Variants in PFKP observed in about 807,000 individuals in gnomAD.
The protein encoded by PFKP is phosphofructokinase, platelet, also known as ATP-dependent 6-phosphofructokinase, platelet type.
A neutral mutation model predicts 94.3 loss-of-function variants in PFKP; 101 were observed. The ratio of observed to expected loss-of-function variants is 1.07; its 90% CI spans 0.91 to 1.26. The LOEUF is 1.26. Ranked by LOEUF, PFKP falls within the 50% of genes most tolerant of loss-of-function variation. PFKP has a pLI of 0.00. For missense variants in PFKP, 1,145 were observed against 1,103.3 expected (o/e 1.04, Z -0.53); for synonymous variants, 573 against 432.6 (o/e 1.32, Z -4.03).
In PFKP at chr10:3,135,727, C is replaced by A; in HGVS notation, c.2123-9C>A. 1.9e-6 allele frequency: 3 copies of A among 1,570,180 alleles called. No homozygotes were observed. The highest frequency in any genetic ancestry group is 1.1e-5 in the South Asian group (1 of 89,454). On this transcript the variant is annotated splice_polypyrimidine_tract_variant and intron_variant, in intron 20 of 21. Coordinates refer to ENST00000381125, the MANE Select transcript of PFKP (RefSeq NM_002627.5). ...GGGTGTTATTAATCTTTTTTAAAAT[C>A]TTTTATAGGAAAAAAATTTACCACC...
chr10:3,088,241 T>C (rs1054176696), intron 2 of PFKP, among the ~76,000 whole-genome samples: 4 of 147,948 alleles, frequency 2.7e-5, no homozygotes, highest in African/African-American at 7.5e-5. Context: ...TGAGAACATG[T>C]GGTGTTTGGT....
intron 2 of PFKP, among the ~76,000 whole-genome samples, chr10:3,090,844 A>G (rs181335884): frequency 7.9e-5 from 12 of 152,070 alleles, no homozygotes; most frequent in African/African-American, 2.9e-4. Context: ...TTATTTTTTT[A>G]AGGATGACTC....
At chr10:3,113,598 C>A in intron 13 of PFKP, 80 bp downstream of exon 13, 1 of 1,276,312 alleles carries the variant, frequency 7.8e-7, no homozygotes, top group Non-Finnish European at 1.1e-6. Flanking sequence ...GGGTGCCCTC[C>A]ATGGCCCTCA....
rs1367933578 is a variant in PFKP, at chr10:3,118,767, C to T, written c.1443-15C>T. On this transcript the variant is annotated splice_polypyrimidine_tract_variant and intron_variant, in intron 14 of 21. Coordinates refer to ENST00000381125, the MANE Select transcript of PFKP (RefSeq NM_002627.5). Reference sequence around the variant, plus strand: ...TTGGGGTGTCTGACATCGTTCTCCACGTGGCTATTTTCAGCGTTCTCCCGG... The same window carrying T: ...TTGGGGTGTCTGACATCGTTCTCCATGTGGCTATTTTCAGCGTTCTCCCGG... 8.1e-6 allele frequency: 13 copies of T among 1,602,158 alleles called. No individual in the cohort carries two copies. The highest frequency in any genetic ancestry group is 5.0e-5 in the Admixed American group (3 of 59,832).
chr10:3,105,139 G>A lies in PFKP; in HGVS notation c.645G>A (p.Glu215=), dbSNP rs775670763. 4 of 1,614,032 alleles carry A rather than the reference G, an allele frequency of 2.5e-6. No homozygotes were observed. The East Asian group carries it at 8.9e-5, about 36-fold the overall frequency. ...AQSHQRTFVL[E]VMGRHCGYLA... ...GCCACCAGAGGACCTTCGTTCTGGA[G>A]GTGATGGGACGACACTGTGGGTACG... Residue 215 remains glutamate (E), a synonymous_variant, in exon 6 of 22, where the codon GAG becomes GAA. Transcript: ENST00000381125.
At chr10:3,080,067 G>A (rs1327441340) in intron 1 of PFKP, among the ~76,000 whole-genome samples, 2 of 151,262 alleles carry the variant, frequency 1.3e-5, no homozygotes, top group African/African-American at 2.4e-5. Context: ...CCGAGCAAGA[G>A]CACTGGTGGG....
At chr10:3,083,307 C>A (rs1833235008) in intron 2 of PFKP, among the ~76,000 whole-genome samples, 1 of 152,044 alleles carries the variant, frequency 6.6e-6, no homozygotes, top group South Asian at 2.1e-4. Context: ...GAAGTCCTGG[C>A]AACTTAAGAC....
chr10:3,089,861 A>G (rs372308035), intron 2 of PFKP, among the ~76,000 whole-genome samples: 4 of 151,420 alleles, frequency 2.6e-5, no homozygotes, highest in Non-Finnish European at 4.4e-5. Flanking sequence ...CCTTCTTTAC[A>G]CCCCTGCTTC....
intron 2 of PFKP, among the ~76,000 whole-genome samples, chr10:3,083,579 T>C (rs555743302): frequency 6.6e-6 from 1 of 152,300 alleles, no homozygotes; most frequent in Non-Finnish European, 1.5e-5. Context: ...TATACTGTGT[T>C]TTTTGTTTAC....
chr10:3,130,100 C>A (rs1366353581), intron 17 of PFKP, 117 bp downstream of exon 17: 2 of 892,146 alleles, frequency 2.2e-6, no homozygotes, highest in East Asian at 5.5e-5. Flanking sequence ...GGAGATGCTA[C>A]AGAACATGCC....
In PFKP at chr10:3,136,591, C is replaced by T. The variant is rs1351432333; in HGVS notation, c.*12C>T. ...CCTGGAGTGTCTGACCCAGTCCCGC[C>T]TGCATGTGCCTGCAGCCACCGTGGA... On this transcript the variant is annotated 3_prime_UTR_variant, in exon 22 of 22. Coordinates refer to ENST00000381125, the MANE Select transcript of PFKP (RefSeq NM_002627.5). 6.2e-7 allele frequency: 1 copy of T among 1,612,628 alleles called. No homozygotes were observed. The highest frequency in any genetic ancestry group is 1.1e-5 in the South Asian group (1 of 90,862).
chr10:3,128,676 G>C (rs899153904), intron 16 of PFKP, among the ~76,000 whole-genome samples: 2 of 152,178 alleles, frequency 1.3e-5, no homozygotes, highest in Non-Finnish European at 2.9e-5. Flanking sequence ...TCCCGCTCCA[G>C]GGCCTTCAGC....
intron 1 of PFKP, among the ~76,000 whole-genome samples, chr10:3,072,031 C>G (rs866041336): frequency 6.6e-6 from 1 of 152,200 alleles, no homozygotes; most frequent in Non-Finnish European, 1.5e-5. Flanking sequence ...GTCTTTCCCG[C>G]GCCCAGCACC....
intron 2 of PFKP, among the ~76,000 whole-genome samples, chr10:3,096,658 C>CCT (rs767033134): frequency 4.6e-5 from 7 of 151,448 alleles, no homozygotes; most frequent in Non-Finnish European, 8.8e-5. Flanking sequence ...TCCTTGCCCC[C>CCT]CCGAGCTTCA....
intron 14 of PFKP, among the ~76,000 whole-genome samples, chr10:3,118,249 A>G (rs1837025095): frequency 6.6e-6 from 1 of 152,200 alleles, no homozygotes. Context: ...CAGGTGGATC[A>G]GGAGGTCAAG....
chr10:3,136,530 A>T lies in PFKP; in HGVS notation c.2306A>T (p.Asp769Val). ...CTGGCCAAGTACAAGGCCAGCTATG[A>T]CGTGTCGGACTCAGGCCAGCTGGAA... ...KILAKYKASY[D>V]VSDSGQLEHV... The change falls in exon 22 of 22, where the codon GAC becomes GTC. Residue 769 changes from aspartate (D) to valine (V), a missense_variant. Physicochemically the swap from Asp to Val is radical, Grantham distance 152. Around this residue, in one of 3 missense-constraint regions of PFKP, gnomAD observed 20 missense variants for 19.6 expected, o/e 1.02. Transcript: ENST00000381125. 6.2e-7 allele frequency: 1 copy of T among 1,613,532 alleles called. No individual in the cohort carries two copies. The highest frequency in any genetic ancestry group is 8.5e-7 in the Non-Finnish European group (1 of 1,179,738).
chr10:3,112,953 G>A (rs1035930429), intron 11 of PFKP, among the ~76,000 whole-genome samples, 166 bp from the exon 12 acceptor site: 7 of 152,370 alleles, frequency 4.6e-5, no homozygotes, highest in East Asian at 1.9e-4. Flanking sequence ...CGCGGGTCGC[G>A]GCTAAGGGCT....
At chr10:3,136,393 G>C (rs1227201184) in intron 21 of PFKP, 57 bp from the exon 22 acceptor site, 1 of 1,594,516 alleles carries the variant, frequency 6.3e-7, no homozygotes, top group African/African-American at 1.3e-5. Flanking sequence ...TGGCCAGGCG[G>C]AGGCATCTCC....
intron 2 of PFKP, among the ~76,000 whole-genome samples, chr10:3,086,888 GCTGT>G (rs1295093928): frequency 1.3e-5 from 2 of 152,172 alleles, no homozygotes; most frequent in African/African-American, 4.8e-5. Context: ...ACCTGTGCCT[GCTGT>G]CTGTGTGGTA....
Sources: gnomAD v4.1 joint callset for allele counts (sites outside exome capture counted in the v4.1 genomes callset) on GRCh38, gnomAD v4.1.1 for gene constraint, gnomAD v4.1.1 regional missense constraint, MANE v1.5 for transcripts, NCBI Gene and HGNC (gene_info 2026-07-23, HGNC 2026-07-21) for gene names.